The following PSMC4 variants were observed in gnomAD, a reference collection of about 807,000 sequenced individuals.
The protein encoded by PSMC4 is proteasome 26S subunit, ATPase 4, also known as 26S proteasome regulatory subunit 6B.
PSMC4 carries 13 observed loss-of-function variants against 48.4 expected under a neutral mutation model. The ratio of observed to expected loss-of-function variants is 0.27; its 90% CI spans 0.18 to 0.43. PSMC4 has a LOEUF of 0.43. PSMC4 is among the 20% of genes least tolerant of loss of function. The pLI is 1.00. For synonymous variants in PSMC4, 202 were observed against 212.3 expected (o/e 0.95, Z 0.42); for missense variants, 262 against 555.9 (o/e 0.47, Z 5.32).
chr19:39,981,182 C>G lies in PSMC4; in HGVS notation c.1144-10C>G. 1 of 1,607,910 alleles carries G rather than the reference C, an allele frequency of 6.2e-7. No homozygotes were observed. The highest frequency in any genetic ancestry group is 8.5e-7 in the Non-Finnish European group (1 of 1,174,610). ...ACAGGAAGTAGATTTTAACTCTCATCCTTCAACAGAGTGGAATGTTGGCTG... is the reference window on the plus strand; with the variant it reads ...ACAGGAAGTAGATTTTAACTCTCATGCTTCAACAGAGTGGAATGTTGGCTG... On this transcript the variant is annotated splice_polypyrimidine_tract_variant and intron_variant, in intron 10 of 10. Coordinates refer to ENST00000157812, the MANE Select transcript of PSMC4 (RefSeq NM_006503.4).
At chr19:39,976,653 C>T (rs1220847420) in intron 6 of PSMC4, among the ~76,000 whole-genome samples, 1 of 149,250 alleles carries the variant, frequency 6.7e-6, no homozygotes, top group African/African-American at 2.5e-5. Context: ...AGACTACAGG[C>T]ACCCGCCACC....
intron 6 of PSMC4, among the ~76,000 whole-genome samples, chr19:39,976,543 C>T (rs1490620273): frequency 1.4e-5 from 2 of 140,438 alleles, no homozygotes; most frequent in Non-Finnish European, 3.0e-5. Context: ...GAGTCTTGCT[C>T]TGTCATCCAG....
In PSMC4 at chr19:39,971,655, G is replaced by T. The variant is rs234372; in HGVS notation, c.36+417G>T. 6.9e-3 allele frequency among the ~76,000 whole-genome samples: 1,045 copies of T among 152,292 alleles called. 15 individuals carry two copies. The highest frequency in any genetic ancestry group is 0.024 in the African/African-American group (1,013 of 41,550). Reference sequence around the variant, plus strand: ...GCTGATGGGGGTAATGGGGCGGGTAGTTAAGTATTATCTGTGGCTTGCCTG... The same window carrying T: ...GCTGATGGGGGTAATGGGGCGGGTATTTAAGTATTATCTGTGGCTTGCCTG... On this transcript the variant is annotated intron_variant, in intron 1 of 10. Coordinates refer to ENST00000157812, the MANE Select transcript of PSMC4 (RefSeq NM_006503.4).
chr19:39,979,708 T>C, intron 6 of PSMC4, 109 bp from the exon 7 acceptor site: 1 of 1,143,002 alleles, frequency 8.7e-7, no homozygotes. Context: ...CTACTAGGTA[T>C]GGGTATCCAA....
rs1478729210 is a variant in PSMC4 at position 39,981,220 on chromosome 19, G to A, written c.1172G>A (p.Arg391His). 4.3e-6 allele frequency: 7 copies of A among 1,613,886 alleles called. No individual in the cohort carries two copies. The highest frequency in any genetic ancestry group is 3.3e-4 in the Middle Eastern group (2 of 6,062). The change falls in exon 11 of 11, where the codon CGC (arginine) becomes CAC (histidine). Residue 391 changes from arginine (R) to histidine (H), a missense_variant. Transcript: ENST00000157812. ...ESGMLAVREN[R>H]YIVLAKDFEK... ...GGAATGTTGGCTGTCCGTGAAAACC[G>A]CTACATTGTCCTGGCCAAGGACTTC...
At chr19:39,972,992 C>T (rs962964331) in intron 3 of PSMC4, among the ~76,000 whole-genome samples, 5 of 152,078 alleles carry the variant, frequency 3.3e-5, no homozygotes, top group East Asian at 1.9e-4. Context: ...GCGATCCACC[C>T]GCCTCACCCT....
Position 39,977,995 on chromosome 19 carries a change from CTTCA to C in PSMC4, c.674-1819_674-1816del, listed in dbSNP as rs2144617291. On this transcript the variant is annotated intron_variant, in intron 6 of 10. Transcript: ENST00000157812. ...CACCATGCCCAACTAATTTTTGTAT[CTTCA>C]TTTTCAGTAGAGACAGGGTCTTGCT... is the stretch of plus-strand genomic sequence containing the variant. 1.3e-5 allele frequency among the ~76,000 whole-genome samples: 2 copies of C among 151,976 alleles called. 1 individual carries two copies. Among genetic ancestry groups the C allele is most frequent in the South Asian group, 4.2e-4 (2 of 4,814 alleles).
At chr19:39,976,815 CCTT>C (rs912655157) in intron 6 of PSMC4, among the ~76,000 whole-genome samples, 4 of 147,098 alleles carry the variant, frequency 2.7e-5, no homozygotes, top group African/African-American at 1.0e-4. Context: ...AGCCCGTAAA[CCTT>C]CTTAAAACAT....
rs1971173494 is a variant in PSMC4, at chr19:39,974,899, G to A, written c.673+71G>A. ...TCGCCTTGCTCCCTGCTCGCTCACT[G>A]GCACTGCACAGTAATTAGAAACAGA... On this transcript the variant is annotated intron_variant, in intron 6 of 10. Coordinates refer to ENST00000157812, the MANE Select transcript of PSMC4 (RefSeq NM_006503.4). This position sits in a 1 kb window ranked among gnomAD's most constrained non-coding sequence, Gnocchi z 5.5. The A allele has an allele frequency of 2.9e-6, 4 of 1,398,562 alleles. No individual in the cohort carries two copies. In the Admixed American group the frequency reaches 5.4e-5, roughly 19 times the overall value. 86.6% of individuals were successfully genotyped at this position (1,398,562 alleles called of 1,614,324 possible).
rs1321778348 is a variant in PSMC4 at position 39,974,205 on chromosome 19, ATGT to A, written c.323-86_323-84del. 38 of 1,520,898 alleles carry A rather than the reference ATGT, an allele frequency of 2.5e-5. No homozygotes were observed. Among genetic ancestry groups the A allele is most frequent in the Admixed American group, 3.6e-5 (2 of 55,944 alleles). 94.2% of individuals were successfully genotyped at this position (1,520,898 alleles called of 1,614,324 possible). A position where few individuals can be genotyped will look rare whatever the true frequency, so the allele number is the denominator to read the frequency against. ...GGACCCCTCAGGGTCTGAACCAGAG[ATGT>A]TGGGGTGTGGAGATTAGGAGGGAGG... On this transcript the variant is annotated intron_variant, in intron 3 of 10. Transcript: ENST00000157812. This position sits in a 1 kb window ranked among gnomAD's most constrained non-coding sequence, Gnocchi z 5.5.
chr19:39,979,625 TG>T (rs968219633), intron 6 of PSMC4, 191 bp from the exon 7 acceptor site: 37 of 418,210 alleles, frequency 8.8e-5, no homozygotes, highest in Non-Finnish European at 1.2e-4. Flanking sequence ...TGGGTCACTG[TG>T]GGGTACAAGT....
intron 6 of PSMC4, among the ~76,000 whole-genome samples, chr19:39,976,250 T>A (rs202236761): frequency 0.086 from 10,812 of 126,020 alleles, 548 homozygotes; most frequent in East Asian, 0.22. Flanking sequence ...AAAAAATATA[T>A]ATATATATAT....
At position 39,971,183 on chromosome 19, in the gene PSMC4, C is replaced by G. The variant is rs1252860356; in HGVS notation, c.-20C>G. On this transcript the variant is annotated 5_prime_UTR_variant, in exon 1 of 11. Coordinates refer to ENST00000157812, the MANE Select transcript of PSMC4 (RefSeq NM_006503.4). ...CGGTGACAGATCATCCCAGGCCACACAGAGGCCGGCTTGGTCACTATGGAG... is the reference window on the plus strand; with the variant it reads ...CGGTGACAGATCATCCCAGGCCACAGAGAGGCCGGCTTGGTCACTATGGAG... The G allele has an allele frequency of 1.2e-6, 2 of 1,613,846 alleles. No homozygotes were observed. The highest frequency in any genetic ancestry group is 2.2e-5 in the East Asian group (1 of 44,878).
chr19:39,979,147 G>T (rs558700524), intron 6 of PSMC4, among the ~76,000 whole-genome samples: 1 of 152,242 alleles, frequency 6.6e-6, no homozygotes, highest in Admixed American at 6.5e-5. Context: ...TGATGTCTTA[G>T]TGTATGGGCA....
At chr19:39,973,677 GC>G (rs1303371945) in intron 3 of PSMC4, among the ~76,000 whole-genome samples, 5 of 151,560 alleles carry the variant, frequency 3.3e-5, no homozygotes, top group Non-Finnish European at 7.4e-5. Context: ...ATAGGTCTAG[GC>G]CTTGCCCTCT....
chr19:39,973,592 A>T (rs1417712781), intron 3 of PSMC4, among the ~76,000 whole-genome samples: 2 of 151,678 alleles, frequency 1.3e-5, no homozygotes, highest in African/African-American at 4.8e-5. Context: ...AAAAAAAAAA[A>T]AAAAAAAAAA....
chr19:39,972,156 C>T lies in PSMC4; in HGVS notation c.47C>T (p.Pro16Leu). The change falls in exon 2 of 11, where the codon CCA becomes CTA. Residue 16 changes from proline to leucine, a missense_variant. Pro to Leu is a moderately conservative substitution (Grantham distance 98, BLOSUM62 -3). Around this residue, in one of 4 missense-constraint regions of PSMC4, gnomAD observed 33 missense variants for 35.5 expected, o/e 0.93. Transcript: ENST00000157812. ...ILVEKAQDEIPALSVSRPQTG... is the reference protein window; with the variant it reads ...ILVEKAQDEILALSVSRPQTG... ...TCCCCTTTCGTCTAGGATGAGATCC[C>T]AGCACTGTCCGTGTCCCGGCCCCAG... 1.2e-6 allele frequency: 2 copies of T among 1,614,022 alleles called. No homozygotes were observed. The highest frequency in any genetic ancestry group is 1.1e-5 in the South Asian group (1 of 91,080).
chr19:39,979,872 C>T lies in PSMC4; in HGVS notation c.729C>T (p.Gly243=). 1.2e-6 allele frequency: 2 copies of T among 1,614,030 alleles called. No individual in the cohort carries two copies. Among genetic ancestry groups the T allele is most frequent in the Non-Finnish European group, 1.7e-6 (2 of 1,179,980 alleles). ...TTGTACAGAAGTATCTGGGTGAGGG[C>T]CCCCGCATGGTCCGGGATGTGTTCC... The part of the protein sequence containing the change: ...SEFVQKYLGE[G]PRMVRDVFRL... Residue 243 remains glycine, a synonymous_variant, in exon 7 of 11, where the codon GGC becomes GGT. Transcript: ENST00000157812.
At chr19:39,972,340 A>G in intron 2 of PSMC4, 29 bp from the exon 3 acceptor site, 1 of 1,612,454 alleles carries the variant, frequency 6.2e-7, no homozygotes, top group Non-Finnish European at 8.5e-7. Flanking sequence ...GTCTGGAGCC[A>G]TCCCCTTCTG....
Sources: gnomAD v4.1 joint callset for allele counts (sites outside exome capture counted in the v4.1 genomes callset) on GRCh38, gnomAD v4.1.1 for gene constraint, gnomAD v4.1.1 regional missense constraint, Gnocchi (gnomAD v3.1) non-coding constraint, MANE v1.5 for transcripts, NCBI Gene and HGNC (gene_info 2026-07-23, HGNC 2026-07-21) for gene names.